Variants in ARHGEF3 observed in about 807,000 individuals in gnomAD.
ARHGEF3 encodes Rho guanine nucleotide exchange factor 3.
ARHGEF3 carries 28 observed loss-of-function variants against 63.2 expected under a neutral mutation model. The observed-to-expected ratio is 0.44, with a 90% CI of 0.33 to 0.61. The LOEUF is 0.61. Ranked by LOEUF, ARHGEF3 falls within the 20% of genes least tolerant of loss-of-function variation. ARHGEF3 has a pLI of 0.03. For synonymous variants in ARHGEF3, 266 were observed against 254.2 expected, an observed-to-expected ratio of 1.05 and a Z score of -0.44; for missense variants, 533 against 659.3, an observed-to-expected ratio of 0.81 and a Z score of 2.10.
intron 3 of ARHGEF3, among the ~76,000 whole-genome samples, chr3:56,955,181 CTTT>C (rs56851084): frequency 2.0e-3 from 293 of 143,220 alleles, no homozygotes; most frequent in African/African-American, 6.9e-3. Context: ...GATCCTTTTT[CTTT>C]TTTTTTTTTT....
intron 2 of ARHGEF3, among the ~76,000 whole-genome samples, chr3:56,995,261 G>C (rs1701925416): frequency 6.6e-6 from 1 of 152,132 alleles, no homozygotes; most frequent in South Asian, 2.1e-4. Context: ...CCGGCGTCTG[G>C]GGGGTGGAGT....
chr3:57,003,006 T>C (rs2107046774), intron 2 of ARHGEF3, among the ~76,000 whole-genome samples: 1 of 151,494 alleles, frequency 6.6e-6, no homozygotes, highest in Non-Finnish European at 1.5e-5. Flanking sequence ...TGACCTCAGG[T>C]GATCCCACCC....
At chr3:56,851,856 A>G (rs574545318) in intron 4 of ARHGEF3, among the ~76,000 whole-genome samples, 42 of 152,314 alleles carry the variant, frequency 2.8e-4, no homozygotes, top group Non-Finnish European at 5.4e-4. Flanking sequence ...TGATCCACCC[A>G]CCTCAGCCTC....
chr3:56,877,798 C>T (rs982754974), intron 4 of ARHGEF3, among the ~76,000 whole-genome samples: 4 of 152,070 alleles, frequency 2.6e-5, no homozygotes, highest in South Asian at 2.1e-4. Context: ...CATCAAACTC[C>T]GCAAAGCAAA....
rs115648587 is a variant in ARHGEF3 at position 56,871,185 on chromosome 3, A to T, written c.192+11107T>A. On this transcript the variant is annotated intron_variant, in intron 4 of 12. Transcript: ENST00000338458. ...AGAATGTATACAATGTTACTTGTAT[A>T]ATTAAAAATAAAATTGTTTTTCTCT... Among the ~76,000 whole-genome samples the T allele has an allele frequency of 5.3e-3, 813 of 152,284 alleles. 9 individuals are homozygous for T. Among genetic ancestry groups the T allele is most frequent in the African/African-American group, 0.018 (735 of 41,574 alleles).
intron 2 of ARHGEF3, among the ~76,000 whole-genome samples, chr3:57,023,267 C>T (rs1224529603): frequency 6.6e-6 from 1 of 152,144 alleles, no homozygotes; most frequent in African/African-American, 2.4e-5. Flanking sequence ...TTTGTTCAGT[C>T]CCCAGATCCA....
rs556377286 is a variant in ARHGEF3 at position 56,846,467 on chromosome 3, T to TA, written c.192+35824dup. Among the ~76,000 whole-genome samples the TA allele has an allele frequency of 1.4e-4, 22 of 152,216 alleles. 1 individual carries two copies. In the South Asian group the frequency reaches 1.7e-3, roughly 11 times the overall value. On this transcript the variant is annotated intron_variant, in intron 4 of 12. Transcript: ENST00000338458. ...CTAGAGAACTTCCAGGACTGGGTGA[T>TA]AAAAAAACTTTTTTTAATAGATGTA...
intron 2 of ARHGEF3, among the ~76,000 whole-genome samples, chr3:56,756,632 C>G (rs949166424): frequency 2.7e-5 from 4 of 150,602 alleles, no homozygotes; most frequent in African/African-American, 4.9e-5. Flanking sequence ...TCACTGCAAG[C>G]CCCGCCTCCT....
chr3:56,980,047 G>A (rs143136297), intron 2 of ARHGEF3, among the ~76,000 whole-genome samples: 3 of 152,276 alleles, frequency 2.0e-5, no homozygotes, highest in African/African-American at 7.2e-5. Context: ...TTCCTCATTT[G>A]TGAATTGAGA....
chr3:56,755,735 T>C (rs1287890322), intron 2 of ARHGEF3, among the ~76,000 whole-genome samples: 1 of 152,126 alleles, frequency 6.6e-6, no homozygotes, highest in Non-Finnish European at 1.5e-5. Context: ...GAGTATTCCT[T>C]TGGGATTGTG....
intron 1 of ARHGEF3, among the ~76,000 whole-genome samples, chr3:57,062,954 G>A (rs1705312219): frequency 6.6e-6 from 1 of 152,148 alleles, no homozygotes; most frequent in African/African-American, 2.4e-5. Context: ...TAGTGGGGGA[G>A]GCAGATGACA....
chr3:56,828,363 G>A (rs547129853), intron 4 of ARHGEF3, among the ~76,000 whole-genome samples: 1 of 152,086 alleles, frequency 6.6e-6, no homozygotes, highest in African/African-American at 2.4e-5. Context: ...GTGAAACCCT[G>A]TCTCTACTAA....
At chr3:56,877,775 A>G (rs1345409422) in intron 4 of ARHGEF3, among the ~76,000 whole-genome samples, 1 of 152,212 alleles carries the variant, frequency 6.6e-6, no homozygotes, top group Non-Finnish European at 1.5e-5. Context: ...TGGACATGCA[A>G]AGCAGAAATA....
intron 1 of ARHGEF3, among the ~76,000 whole-genome samples, chr3:57,041,585 T>C (rs1704188474): frequency 6.6e-6 from 1 of 152,000 alleles, no homozygotes; most frequent in African/African-American, 2.4e-5. Flanking sequence ...AACAACAAAA[T>C]CAAGACTCCA....
chr3:56,970,939 T>C (rs1332815890), intron 2 of ARHGEF3, among the ~76,000 whole-genome samples: 1 of 152,136 alleles, frequency 6.6e-6, no homozygotes, highest in Non-Finnish European at 1.5e-5. Flanking sequence ...GACCCCCCTC[T>C]CACAGGGCTG....
At chr3:56,895,877 T>C (rs1278367733) in intron 3 of ARHGEF3, among the ~76,000 whole-genome samples, 1 of 152,204 alleles carries the variant, frequency 6.6e-6, no homozygotes, top group Non-Finnish European at 1.5e-5. Flanking sequence ...ACACCCAGCC[T>C]CTTGGAAGAG....
chr3:57,035,322 A>C, intron 1 of ARHGEF3: 1 of 483,240 alleles, frequency 2.1e-6, no homozygotes, highest in Non-Finnish European at 3.6e-6. Flanking sequence ...TTCCATAATT[A>C]TTCAAGTTTT....
chr3:56,991,552 G>T lies in ARHGEF3; in HGVS notation c.63-32663C>A, dbSNP rs148633283. Reference sequence around the variant, plus strand: ...GATAAATTTGATAAATTGCAAAAAAGAATTCTGTCAGATACAGTCTCAAAG... The same window carrying T: ...GATAAATTTGATAAATTGCAAAAAATAATTCTGTCAGATACAGTCTCAAAG... On this transcript the variant is annotated intron_variant, in intron 2 of 12. Coordinates refer to the ARHGEF3 transcript ENST00000338458. Among the ~76,000 whole-genome samples the T allele has an allele frequency of 8.5e-4, 129 of 152,310 alleles. 1 individual carries two copies. Among genetic ancestry groups the T allele is most frequent in the African/African-American group, 2.9e-3 (122 of 41,562 alleles).
intron 2 of ARHGEF3, among the ~76,000 whole-genome samples, chr3:56,967,650 T>TA (rs1700613266): frequency 1.1e-5 from 1 of 91,482 alleles, no homozygotes; most frequent in South Asian, 3.5e-4. Context: ...ATATAATATA[T>TA]AAAATAGCTA....
Sources: gnomAD v4.1 joint callset for allele counts (sites outside exome capture counted in the v4.1 genomes callset) on GRCh38, gnomAD v4.1.1 for gene constraint, MANE v1.5 for transcripts, NCBI Gene and HGNC (gene_info 2026-07-23, HGNC 2026-07-21) for gene names.